NRBP1: variants seen among roughly 807,000 people sequenced by gnomAD.
NRBP1 encodes nuclear receptor-binding protein.
In NRBP1, 10 loss-of-function variants were observed where a neutral mutation model predicts 76.0. That is an observed-to-expected ratio of 0.13 (90% CI 0.08 to 0.22). NRBP1 has a LOEUF of 0.22. Ranked by LOEUF, NRBP1 falls within the 10% of genes least tolerant of loss-of-function variation. The pLI, the probability that NRBP1 is intolerant of heterozygous loss-of-function variation, is 1.00. For missense variants in NRBP1, 344 were observed against 646.0 expected (o/e 0.53, Z 5.07); for synonymous variants, 235 against 240.2 (o/e 0.98, Z 0.20).
chr2:27,435,307 TA>T (rs1664261296), intron 7 of NRBP1, 80 bp downstream of exon 7: 5 of 1,217,712 alleles, frequency 4.1e-6, no homozygotes, highest in Non-Finnish European at 6.0e-6. Flanking sequence ...GAATGGGGGA[TA>T]ACAGAGCAAA....
intron 11 of NRBP1, 69 bp from the exon 12 acceptor site, chr2:27,440,334 C>T: frequency 1.8e-6 from 2 of 1,083,676 alleles, no homozygotes; most frequent in Non-Finnish European, 2.9e-6. Context: ...TACCCCTTTG[C>T]CTGCATGCCT....
chr2:27,435,080 C>G, intron 6 of NRBP1, 53 bp from the exon 7 acceptor site: 1 of 1,070,768 alleles, frequency 9.3e-7, no homozygotes, highest in Middle Eastern at 2.2e-4. Flanking sequence ...CCCTTGGGTT[C>G]CCCCTGCCCT....
At chr2:27,428,996 C>A (rs998082862) in intron 1 of NRBP1, among the ~76,000 whole-genome samples, 7 of 143,188 alleles carry the variant, frequency 4.9e-5, no homozygotes, top group African/African-American at 1.5e-4. Context: ...GAGGCCCTGG[C>A]GTTCGCTTGG....
Position 27,439,995 on chromosome 2 carries a change from C to CTTTTTT in NRBP1, c.1036+128_1036+133dup, listed in dbSNP as rs70953859. On this transcript the variant is annotated intron_variant, in intron 11 of 17. Transcript: ENST00000379852. ...TTTCCTCTTTATTTCCAAAGGGATT[C>CTTTTTT]TTTTTTTTTTTTTTTTTTTTTTTTT... 1.1e-4 allele frequency: 49 copies of CTTTTTT among 459,776 alleles called. 12 individuals carry two copies. Among genetic ancestry groups the CTTTTTT allele is most frequent in the African/African-American group, 1.6e-4 (6 of 36,692 alleles). The allele number at this position is 459,776 out of a possible 1,614,324, so 28.5% of individuals were successfully genotyped here.
chr2:27,441,295 A>G lies in NRBP1; in HGVS notation c.1412A>G (p.Lys471Arg), dbSNP rs773070005. ...HLTLLLKLED[K>R]LNRHLSCDLM... ...ACACTTCTGCTGAAGTTGGAGGACA[A>G]ACTGAACCGGCACCTGAGCTGTGAC... The change falls in exon 16 of 18, where the codon AAA becomes AGA. Residue 471 changes from lysine (K) to arginine (R), a missense_variant. Around this residue, in one of 3 missense-constraint regions of NRBP1, gnomAD observed 218 missense variants for 309.8 expected, o/e 0.70. Coordinates refer to ENST00000379852, the MANE Select transcript of NRBP1 (RefSeq NM_013392.4). 14 of 1,614,034 alleles carry G rather than the reference A, an allele frequency of 8.7e-6. No individual in the cohort carries two copies. The African/African-American group carries it at 1.7e-4, about 20-fold the overall frequency.
At chr2:27,429,937 T>C (rs752405624) in intron 1 of NRBP1, among the ~76,000 whole-genome samples, 12 of 152,226 alleles carry the variant, frequency 7.9e-5, no homozygotes, top group Non-Finnish European at 1.8e-4. Flanking sequence ...AGATTTTAGA[T>C]GCATTCAGTG....
At chr2:27,435,901 C>T (rs1558336403) in intron 7 of NRBP1, 3 of 667,350 alleles carry the variant, frequency 4.5e-6, no homozygotes, top group African/African-American at 1.8e-5. Flanking sequence ...AGCCCTCCGC[C>T]TGCTTGCCCC....
intron 1 of NRBP1, among the ~76,000 whole-genome samples, chr2:27,430,937 A>C (rs931445789): frequency 6.6e-6 from 1 of 152,172 alleles, no homozygotes; most frequent in Non-Finnish European, 1.5e-5. Flanking sequence ...AGTACCCATG[A>C]CCCTGAAAAT....
chr2:27,437,184 G>A, intron 9 of NRBP1, 78 bp from the exon 10 acceptor site: 5 of 1,575,214 alleles, frequency 3.2e-6, no homozygotes, highest in South Asian at 2.2e-5. Flanking sequence ...CAAGTAAGGC[G>A]CTGGCTTGGA....
Position 27,428,676 on chromosome 2 carries a change from G to C in NRBP1, c.-76G>C, listed in dbSNP as rs191228559. The C allele has an allele frequency of 5.5e-5, 22 of 398,044 alleles. No individual in the cohort carries two copies. The highest frequency in any genetic ancestry group is 4.3e-4 in the East Asian group (12 of 28,062). The allele number at this position is 398,044 out of a possible 1,614,324, so 24.7% of individuals were successfully genotyped here. A position where few individuals can be genotyped will look rare whatever the true frequency, so the allele number is the denominator to read the frequency against. On this transcript the variant is annotated 5_prime_UTR_variant, in exon 1 of 18. Transcript: ENST00000379852. ...CTGTGAGGGAGTCGCTGTGATCCGG[G>C]GCCCCGGAACCCGAGCTGGAGCTGA...
At chr2:27,429,212 C>G (rs1346055836) in intron 1 of NRBP1, 1 of 152,422 alleles carries the variant, frequency 6.6e-6, no homozygotes, top group Non-Finnish European at 1.5e-5. Flanking sequence ...CCCTGGGCCC[C>G]AGCCTGGTTC....
At chr2:27,429,121 T>TG (rs1169198316) in intron 1 of NRBP1, 1 of 154,100 alleles carries the variant, frequency 6.5e-6, no homozygotes, top group Non-Finnish European at 1.4e-5. Flanking sequence ...CGCGGGGAGG[T>TG]GCGCAGACTG....
At chr2:27,438,749 C>T (rs538340728) in intron 10 of NRBP1, among the ~76,000 whole-genome samples, 53 of 152,230 alleles carry the variant, frequency 3.5e-4, no homozygotes, top group East Asian at 2.7e-3. Context: ...CACTTGAGCT[C>T]AGGAGTTCGA....
intron 1 of NRBP1, 77 bp from the exon 2 acceptor site, chr2:27,433,177 C>G: frequency 9.2e-7 from 1 of 1,086,182 alleles, no homozygotes; most frequent in South Asian, 1.4e-5. Context: ...CCACGTCCAG[C>G]CTGGATTACT....
Position 27,436,856 on chromosome 2 carries a change from C to G in NRBP1, c.745+20C>G. 6.2e-7 allele frequency: 1 copy of G among 1,605,712 alleles called. No individual in the cohort carries two copies. Among genetic ancestry groups the G allele is most frequent in the Non-Finnish European group, 8.5e-7 (1 of 1,172,306 alleles). ...ATGGAGGTGAGCCTTCCTGCTTTCT[C>G]TGCCCTGTCCTCATCCCCCTGCTTT... On this transcript the variant is annotated intron_variant, in intron 8 of 17. Coordinates refer to ENST00000379852, the MANE Select transcript of NRBP1 (RefSeq NM_013392.4).
chr2:27,429,809 GTTAT>G lies in NRBP1; in HGVS notation c.-21+1081_-21+1084del, dbSNP rs778208402. 1.2e-4 allele frequency among the ~76,000 whole-genome samples: 18 copies of G among 152,324 alleles called. No homozygotes were observed. In the East Asian group the frequency reaches 3.5e-3, roughly 29 times the overall value. ...TCCTGTGGTGCCCTACTGTGGATTA[GTTAT>G]TTGTGTCCTCGGTCCAGAAGTTTCT... On this transcript the variant is annotated intron_variant, in intron 1 of 17. Transcript: ENST00000379852.
Position 27,442,213 on chromosome 2 carries a change from G to A in NRBP1, c.*401G>A, listed in dbSNP as rs1288609234. 3 of 551,466 alleles carry A rather than the reference G, an allele frequency of 5.4e-6. No homozygotes were observed. The East Asian group carries it at 1.0e-4, about 18-fold the overall frequency. 34.2% of individuals were successfully genotyped at this position (551,466 alleles called of 1,614,324 possible). A position where few individuals can be genotyped will look rare whatever the true frequency, so the allele number is the denominator to read the frequency against. ...CAGTGGTGGCCCTGGGGGGCCATTCGATTCGCCTCAGTTGCTGCTGTAATA... is the reference window on the plus strand; with the variant it reads ...CAGTGGTGGCCCTGGGGGGCCATTCAATTCGCCTCAGTTGCTGCTGTAATA... On this transcript the variant is annotated 3_prime_UTR_variant, in exon 18 of 18. Transcript: ENST00000379852.
rs769918683 is a variant in NRBP1, at chr2:27,433,820, C to A, written c.333+25C>A. The A allele has an allele frequency of 4.3e-6, 7 of 1,613,754 alleles. No individual in the cohort carries two copies. The South Asian group carries it at 7.7e-5, about 18-fold the overall frequency. The stretch of plus-strand genomic sequence containing the variant: ...GGTAGGTGATGCTGAAAAGGTGAAG[C>A]CTGGGGAATGTTGGAACACTGATGT... On this transcript the variant is annotated intron_variant, in intron 3 of 17. Coordinates refer to ENST00000379852, the MANE Select transcript of NRBP1 (RefSeq NM_013392.4).
chr2:27,434,967 A>G (rs893294670), intron 6 of NRBP1, 166 bp from the exon 7 acceptor site: 20 of 661,442 alleles, frequency 3.0e-5, no homozygotes, highest in Non-Finnish European at 4.9e-5. Flanking sequence ...TCTTTCTCCT[A>G]GTGCTTATCC....
Sources: allele counts gnomAD v4.1 joint callset (sites outside exome capture counted in the v4.1 genomes callset), GRCh38; gene constraint gnomAD v4.1.1; regional missense constraint gnomAD v4.1.1; transcripts MANE v1.5; gene names NCBI Gene and HGNC (gene_info 2026-07-23, HGNC 2026-07-21).